GRAP2: variants seen among roughly 807,000 people sequenced by gnomAD.
GRAP2 encodes the protein GRB2-related adapter protein 2.
In GRAP2, 31 loss-of-function variants were observed where a neutral mutation model predicts 43.5. The ratio of observed to expected loss-of-function variants is 0.71; its 90% CI spans 0.54 to 0.96. The LOEUF is 0.96. Among genes scored for constraint, GRAP2 ranks in the 40% least tolerant of loss-of-function variants. GRAP2 has a pLI of 0.00. For synonymous variants in GRAP2, 156 were observed against 164.8 expected (o/e 0.95, Z 0.41); for missense variants, 371 against 424.4 (o/e 0.87, Z 1.11).
At chr22:39,899,547 G>A (rs1433921785), upstream of GRAP2, among the ~76,000 whole-genome samples, 1 of 148,578 alleles carries the variant, frequency 6.7e-6, no homozygotes, top group Non-Finnish European at 1.5e-5. Context: ...AGGTTGAGAC[G>A]TTATTATTTT....
chr22:39,934,605 C>T (rs1182392784), intron 1 of GRAP2, among the ~76,000 whole-genome samples: 1 of 152,168 alleles, frequency 6.6e-6, no homozygotes, highest in Non-Finnish European at 1.5e-5. Flanking sequence ...AAATGTGAAG[C>T]CCTGCATTTT....
intron 1 of GRAP2, among the ~76,000 whole-genome samples, chr22:39,942,280 C>A (rs137990): frequency 0.9 from 136,116 of 152,084 alleles, 61,257 homozygotes; most frequent in African/African-American, 0.97. Context: ...CTGGGGGAGG[C>A]GGCACTCTCC....
At chr22:39,951,799 G>T (rs2066985449) in intron 2 of GRAP2, among the ~76,000 whole-genome samples, 1 of 151,992 alleles carries the variant, frequency 6.6e-6, no homozygotes. Context: ...TGCAGAAAAT[G>T]AGAATTTTTT....
chr22:39,915,084 G>A (rs537995151), intron 1 of GRAP2, among the ~76,000 whole-genome samples: 2 of 150,536 alleles, frequency 1.3e-5, no homozygotes, highest in Non-Finnish European at 2.9e-5. Flanking sequence ...AGCTACTCAG[G>A]AGGCCGAGGT....
intron 1 of GRAP2, chr22:39,926,996 C>A: frequency 4.6e-6 from 1 of 215,746 alleles, no homozygotes; most frequent in Non-Finnish European, 7.9e-6. Flanking sequence ...CGGTCACTGG[C>A]TTTCTGAGGT....
chr22:39,954,312 G>A (rs554192483), intron 2 of GRAP2, among the ~76,000 whole-genome samples: 11 of 152,230 alleles, frequency 7.2e-5, no homozygotes, highest in South Asian at 4.2e-4. Context: ...CTAATTCAGC[G>A]GTTCAGTGAC....
At chr22:39,898,322 C>G (rs2066473516), upstream of GRAP2, among the ~76,000 whole-genome samples, 2 of 152,106 alleles carry the variant, frequency 1.3e-5, no homozygotes, top group African/African-American at 4.8e-5. Flanking sequence ...CTCCCTTTAC[C>G]AGAATGTAAG....
At position 39,947,110 on chromosome 22, in the gene GRAP2, G is replaced by C; in HGVS notation, c.4G>C (p.Glu2Gln). Residue 2 changes from glutamate (E) to glutamine (Q), a missense_variant, in exon 2 of 8, where the codon GAA becomes CAA. By Grantham distance (29) the Glu-to-Gln change is conservative (BLOSUM62 2). Transcript: ENST00000344138. ...TCTTCCAGCTTCACGTTACAGCATGGAAGCTGTTGCCAAGTTTGATTTCAC... is the reference window on the plus strand; with the variant it reads ...TCTTCCAGCTTCACGTTACAGCATGCAAGCTGTTGCCAAGTTTGATTTCAC... MEAVAKFDFTAS... is the reference protein window; with the variant it reads MQAVAKFDFTAS... The C allele has an allele frequency of 1.9e-6, 3 of 1,589,878 alleles. No homozygotes were observed. The highest frequency in any genetic ancestry group is 1.7e-6 in the Non-Finnish European group (2 of 1,157,764).
chr22:39,899,970 G>A (rs1405094108), upstream of GRAP2, among the ~76,000 whole-genome samples: 3 of 151,636 alleles, frequency 2.0e-5, no homozygotes, highest in African/African-American at 7.3e-5. Flanking sequence ...TGGGCAAGAA[G>A]AGTGAAACTC....
chr22:39,967,921 C>A, intron 5 of GRAP2, 121 bp from the exon 6 acceptor site: 1 of 1,277,934 alleles, frequency 7.8e-7, no homozygotes, highest in Non-Finnish European at 1.1e-6. Context: ...GCTGCCCCCA[C>A]CCCACCAGCT....
intron 1 of GRAP2, among the ~76,000 whole-genome samples, chr22:39,924,633 C>T (rs968236090): frequency 5.9e-5 from 9 of 151,980 alleles, no homozygotes; most frequent in East Asian, 3.9e-4. Context: ...ACCCGGGCGG[C>T]GGAGGTTGCA....
rs530160575 is a variant in GRAP2 at position 39,964,313 on chromosome 22, G to A, written c.291-1677G>A. The A allele has an allele frequency of 7.2e-4, 491 of 681,842 alleles. 9 individuals carry two copies. The South Asian group carries it at 7.3e-3, about 10-fold the overall frequency. The allele number at this position is 681,842 out of a possible 1,614,324, so 42.2% of individuals were successfully genotyped here. On this transcript the variant is annotated intron_variant, in intron 4 of 7. Coordinates refer to ENST00000344138, the MANE Select transcript of GRAP2 (RefSeq NM_004810.4). ...TTGTGAGTCCAGACTGGCAACAAAA[G>A]GTGCTGATCTAAAAGAAGTTATCGT...
intron 3 of GRAP2, among the ~76,000 whole-genome samples, chr22:39,956,412 C>T (rs572350865): frequency 6.6e-6 from 1 of 152,276 alleles, no homozygotes; most frequent in South Asian, 2.1e-4. Context: ...CCGCCTCAGC[C>T]TCCCAAAGTG....
At chr22:39,955,737 C>T in intron 2 of GRAP2, 82 bp from the exon 3 acceptor site, 3 of 737,000 alleles carry the variant, frequency 4.1e-6, no homozygotes, top group Non-Finnish European at 7.5e-6. Flanking sequence ...CCAAAAGGGC[C>T]TTCTTTGCCT....
At chr22:39,911,375 C>CGGGGCACTG (rs2066564295) in intron 1 of GRAP2, among the ~76,000 whole-genome samples, 5 of 151,658 alleles carry the variant, frequency 3.3e-5, no homozygotes, top group African/African-American at 1.2e-4. Context: ...GACTCTCTTC[C>CGGGGCACTG]CTCCATCACC....
chr22:39,901,113 G>A lies in GRAP2; in HGVS notation c.-232G>A, dbSNP rs2066489789. 1 of 404,608 alleles carries A rather than the reference G, an allele frequency of 2.5e-6. No individual in the cohort carries two copies. The highest frequency in any genetic ancestry group is 2.7e-5 in the Admixed American group (1 of 36,514). The allele number at this position is 404,608 out of a possible 1,614,324, so 25.1% of individuals were successfully genotyped here. On this transcript the variant is annotated 5_prime_UTR_variant, in exon 1 of 8. Coordinates refer to ENST00000344138, the MANE Select transcript of GRAP2 (RefSeq NM_004810.4). Reference sequence around the variant, plus strand: ...TGCAGGGCTGACTAGGGTTAGTTTGGAGGAGGGAGTAAGAGGTGGGGAGGA... The same window carrying A: ...TGCAGGGCTGACTAGGGTTAGTTTGAAGGAGGGAGTAAGAGGTGGGGAGGA...
chr22:39,932,299 G>A (rs1051003435), intron 1 of GRAP2, among the ~76,000 whole-genome samples: 1 of 151,954 alleles, frequency 6.6e-6, no homozygotes, highest in Non-Finnish European at 1.5e-5. Flanking sequence ...ACTTTAGCTG[G>A]GCATTCTGTA....
intron 1 of GRAP2, among the ~76,000 whole-genome samples, chr22:39,915,473 A>T (rs568916153): frequency 1.3e-5 from 2 of 152,214 alleles, no homozygotes; most frequent in Admixed American, 1.3e-4. Context: ...CCAAAGCCAC[A>T]ATCGTGTCAT....
chr22:39,959,404 C>T (rs911904170), intron 3 of GRAP2, among the ~76,000 whole-genome samples: 7 of 152,224 alleles, frequency 4.6e-5, no homozygotes, highest in South Asian at 2.1e-4. Context: ...GTTGTATAGA[C>T]GCCGCTCTCT....
Sources: allele counts gnomAD v4.1 joint callset (sites outside exome capture counted in the v4.1 genomes callset), GRCh38; gene constraint gnomAD v4.1.1; transcripts MANE v1.5; gene names NCBI Gene and HGNC (gene_info 2026-07-23, HGNC 2026-07-21).